PLG: variants seen among roughly 807,000 people sequenced by gnomAD.
PLG encodes the protein plasmin.
A neutral mutation model predicts 104.4 loss-of-function variants in PLG; 41 were observed. That is an observed-to-expected ratio of 0.39 (90% confidence interval 0.31 to 0.51). The LOEUF is 0.51. Among genes scored for constraint, PLG ranks in the 20% least tolerant of loss-of-function variants. The probability of loss-of-function intolerance (pLI) is 0.76; values close to 1 mark genes in which losing one functional copy is unlikely to be tolerated. For missense variants in PLG, 891 were observed against 1,003.6 expected, an observed-to-expected ratio of 0.89 and a Z score of 1.52; for synonymous variants, 337 against 357.1, an observed-to-expected ratio of 0.94 and a Z score of 0.63.
Position 160,713,082 on chromosome 6 carries a change from T to A in PLG, c.504T>A (p.Asp168Glu). 1 of 1,610,082 alleles carries A rather than the reference T, an allele frequency of 6.2e-7. No individual in the cohort carries two copies. Among genetic ancestry groups the A allele is most frequent in the Non-Finnish European group, 8.5e-7 (1 of 1,178,186 alleles). The change falls in exon 5 of 19, where the codon GAT becomes GAA. Residue 168 changes from aspartate (D) to glutamate (E), a missense_variant. This residue lies in a region of PLG where 854 missense variants were observed against 932.1 expected (regional missense o/e 0.92). Transcript: ENST00000308192. ...DPQGPWCYTTDPEKRYDYCDI... is the reference protein window; with the variant it reads ...DPQGPWCYTTEPEKRYDYCDI... Reference sequence around the variant, plus strand: ...AGGGGCCCTGGTGCTATACTACTGATCCAGAAAAGAGATATGACTACTGCG... The same window carrying A: ...AGGGGCCCTGGTGCTATACTACTGAACCAGAAAAGAGATATGACTACTGCG...
At chr6:160,711,048 CTT>C (rs1562372289) in intron 3 of PLG, 27 bp from the exon 4 acceptor site, 2 of 1,611,192 alleles carry the variant, frequency 1.2e-6, no homozygotes, top group Admixed American at 1.7e-5. Context: ...TTGTGAAAGA[CTT>C]TGACCACTGT....
At position 160,726,841 on chromosome 6, in the gene PLG, T is replaced by A. The variant is rs1417437054; in HGVS notation, c.1257-4210T>A. On this transcript the variant is annotated intron_variant, in intron 10 of 18. Coordinates refer to ENST00000308192, the MANE Select transcript of PLG (RefSeq NM_000301.5). The surrounding 1 kb of genome is among the most constrained non-coding windows in gnomAD (Gnocchi z 4.4). ...AAAGGGGTCTTAAGACCAAAAACTT[T>A]GAGAACTGTTGATTTAAGATAACTT... is the stretch of plus-strand genomic sequence containing the variant. Among the ~76,000 whole-genome samples, 1 of 151,958 alleles carries A rather than the reference T, an allele frequency of 6.6e-6. No homozygotes were observed. The highest frequency in any genetic ancestry group is 1.5e-5 in the Non-Finnish European group (1 of 67,848).
chr6:160,712,168 T>A (rs2115157247), intron 4 of PLG: 1 of 168,736 alleles, frequency 5.9e-6, no homozygotes, highest in African/African-American at 2.4e-5. Context: ...GGGCCATTTT[T>A]ATGAGGTAGT....
chr6:160,702,265 A>G lies in PLG; in HGVS notation c.-40A>G. On this transcript the variant is annotated 5_prime_UTR_variant, in exon 1 of 19. Coordinates refer to ENST00000308192, the MANE Select transcript of PLG (RefSeq NM_000301.5). The stretch of plus-strand genomic sequence containing the variant: ...TCATGTAAGTCAACAACATCCTGGG[A>G]TTGGGACCCACTTTCTGGGCACTGC... The G allele has an allele frequency of 6.2e-7, 1 of 1,608,632 alleles. No individual in the cohort carries two copies. Among genetic ancestry groups the G allele is most frequent in the Non-Finnish European group, 8.5e-7 (1 of 1,179,212 alleles).
chr6:160,752,894 G>T lies in PLG; in HGVS notation c.2272-6G>T. ...CTCACATGCATTTTTCTCTCCCTCT[G>T]TATAGGGTGACAGTGGAGGTCCTCT... On this transcript the variant is annotated splice_region_variant and splice_polypyrimidine_tract_variant and intron_variant, in intron 18 of 18. Transcript: ENST00000308192. The surrounding 1 kb of genome is among the most constrained non-coding windows in gnomAD (Gnocchi z 4.7). The T allele has an allele frequency of 6.2e-7, 1 of 1,613,710 alleles. No homozygotes were observed. Among genetic ancestry groups the T allele is most frequent in the South Asian group, 1.1e-5 (1 of 91,066 alleles).
chr6:160,742,887 C>A (rs1020270055), intron 17 of PLG, among the ~76,000 whole-genome samples: 24 of 152,232 alleles, frequency 1.6e-4, no homozygotes, highest in Non-Finnish European at 2.9e-4. Flanking sequence ...TACCCCAGCA[C>A]CATTTATTGA....
At chr6:160,705,046 C>T (rs1005176649) in intron 1 of PLG, among the ~76,000 whole-genome samples, 1 of 152,212 alleles carries the variant, frequency 6.6e-6, no homozygotes, top group Non-Finnish European at 1.5e-5. Flanking sequence ...CCACTGCTCT[C>T]CTAGTCACTC....
chr6:160,733,930 C>G (rs1218382327), intron 12 of PLG, 65 bp from the exon 13 acceptor site: 1 of 818,396 alleles, frequency 1.2e-6, no homozygotes, highest in Non-Finnish European at 2.2e-6. Flanking sequence ...ATGCGTGAGC[C>G]TTGGAACACC....
At chr6:160,733,846 G>GAAAAAAAAAAAAAAAAAAAAA (rs10540264) in intron 12 of PLG, 149 bp from the exon 13 acceptor site, 1 of 312,838 alleles carries the variant, frequency 3.2e-6, no homozygotes, top group African/African-American at 3.1e-5. Flanking sequence ...CTCCACCTCA[G>GAAAAAAAAAAAAAAAAAAAAA]AAAAAAAAAA....
At chr6:160,708,623 A>G (rs917614529) in intron 3 of PLG, 1 of 152,214 alleles carries the variant, frequency 6.6e-6, no homozygotes. Flanking sequence ...AATAGTAACA[A>G]TTTAGCTCTC....
intron 17 of PLG, among the ~76,000 whole-genome samples, chr6:160,749,547 AC>A (rs1778361014): frequency 6.7e-6 from 1 of 148,930 alleles, no homozygotes; most frequent in Non-Finnish European, 1.5e-5. Flanking sequence ...CATCATCACC[AC>A]CATCACCATC....
rs777118391 is a variant in PLG, at chr6:160,740,106, A to G, written c.2018+898A>G. ...GGTGTCAGTGTGGACAGGGATGAGC[A>G]TGGCCTGGATGAGAAGGCACGGGGC... On this transcript the variant is annotated intron_variant, in intron 16 of 18. Transcript: ENST00000308192. The surrounding 1 kb of genome is among the most constrained non-coding windows in gnomAD (Gnocchi z 5.2). Among the ~76,000 whole-genome samples the G allele has an allele frequency of 1.3e-5, 2 of 152,138 alleles. No individual in the cohort carries two copies. The highest frequency in any genetic ancestry group is 2.9e-5 in the Non-Finnish European group (2 of 68,034).
At chr6:160,713,330 G>A (rs144791993) in intron 5 of PLG, 55 of 532,040 alleles carry the variant, frequency 1.0e-4, no homozygotes, top group Middle Eastern at 5.4e-4. Context: ...GAGTGCAACC[G>A]TGCAATCTCG....
chr6:160,723,021 A>G lies in PLG; in HGVS notation c.1256+454A>G, dbSNP rs1445865104. Among the ~76,000 whole-genome samples, 1 of 151,742 alleles carries G rather than the reference A, an allele frequency of 6.6e-6. No individual in the cohort carries two copies. Among genetic ancestry groups the G allele is most frequent in the South Asian group, 2.1e-4 (1 of 4,826 alleles). Reference sequence around the variant, plus strand: ...TATAAGTATGAATATATATACACACATATATATGTATACATATGTGTGCAT... The same window carrying G: ...TATAAGTATGAATATATATACACACGTATATATGTATACATATGTGTGCAT... On this transcript the variant is annotated intron_variant, in intron 10 of 18. Transcript: ENST00000308192. This position sits in a 1 kb window ranked among gnomAD's most constrained non-coding sequence, Gnocchi z 4.7.
chr6:160,720,219 T>C (rs1777805006), intron 9 of PLG, among the ~76,000 whole-genome samples: 1 of 152,056 alleles, frequency 6.6e-6, no homozygotes, highest in African/African-American at 2.4e-5. Flanking sequence ...AGTAATCTGA[T>C]CTTTGTTCCT....
Position 160,738,462 on chromosome 6 carries a change from T to C in PLG, c.1803-76T>C, listed in dbSNP as rs770930642. The C allele has an allele frequency of 3.3e-6, 3 of 907,842 alleles. No homozygotes were observed. Among genetic ancestry groups the C allele is most frequent in the Non-Finnish European group, 5.6e-6 (3 of 535,178 alleles). 56.2% of individuals were successfully genotyped at this position (907,842 alleles called of 1,614,324 possible). A position where few individuals can be genotyped will look rare whatever the true frequency, so the allele number is the denominator to read the frequency against. On this transcript the variant is annotated intron_variant, in intron 14 of 18. Transcript: ENST00000308192. This position sits in a 1 kb window ranked among gnomAD's most constrained non-coding sequence, Gnocchi z 6.8. The stretch of plus-strand genomic sequence containing the variant: ...ACATGGTCAAAATTAAGTGAACGTG[T>C]CTTTCTGGCTTTCTGTACAATGGAG...
intron 2 of PLG, among the ~76,000 whole-genome samples, chr6:160,707,391 T>C (rs2115151595): frequency 6.6e-6 from 1 of 151,844 alleles, no homozygotes; most frequent in African/African-American, 2.4e-5. Flanking sequence ...GCAACCAGAG[T>C]TGCTTCTTTC....
intron 3 of PLG, among the ~76,000 whole-genome samples, chr6:160,709,188 A>G (rs1395435499): frequency 1.3e-5 from 2 of 152,178 alleles, no homozygotes; most frequent in African/African-American, 4.8e-5. Context: ...AAAGAAGTGA[A>G]AAGTCAAAAG....
rs150567699 is a variant in PLG, at chr6:160,746,108, G to C, written c.2125+4691G>C. Among the ~76,000 whole-genome samples, 15 of 152,224 alleles carry C rather than the reference G, an allele frequency of 9.9e-5. No individual in the cohort carries two copies. In the East Asian group the frequency reaches 2.9e-3, roughly 29 times the overall value. On this transcript the variant is annotated intron_variant, in intron 17 of 18. Coordinates refer to ENST00000308192, the MANE Select transcript of PLG (RefSeq NM_000301.5). The stretch of plus-strand genomic sequence containing the variant: ...AAAATCTGATGATTATGTGTCTTGA[G>C]GATGATCTTCTTGTATAGAATCTCA...
Sources: allele counts gnomAD v4.1 joint callset (sites outside exome capture counted in the v4.1 genomes callset), GRCh38; gene constraint gnomAD v4.1.1; regional missense constraint gnomAD v4.1.1; non-coding constraint Gnocchi (gnomAD v3.1); transcripts MANE v1.5; gene names NCBI Gene and HGNC (gene_info 2026-07-23, HGNC 2026-07-21).